Variants in DDX51 observed in about 807,000 individuals in gnomAD.
DDX51 encodes ATP-dependent RNA helicase DDX51.
A neutral mutation model predicts 74.6 loss-of-function variants in DDX51; 67 were observed. The observed-to-expected ratio is 0.90, with a 90% CI of 0.74 to 1.10. DDX51 has a LOEUF of 1.10. DDX51 is among the 50% of genes least tolerant of loss of function. DDX51 has a pLI of 0.00. For synonymous variants in DDX51, 545 were observed against 402.9 expected (o/e 1.35, Z -4.22); for missense variants, 1,056 against 905.2 (o/e 1.17, Z -2.14).
Position 132,140,884 on chromosome 12 carries a change from C to G in DDX51, c.1387G>C (p.Asp463His), listed in dbSNP as rs772880022. The change falls in exon 9 of 15, where the codon GAT becomes CAT. Residue 463 changes from aspartate (D) to histidine (H), a missense_variant. Asp to His is a moderately conservative substitution (Grantham distance 81, BLOSUM62 -1). Transcript: ENST00000397333. ...CCCGAATCCCCGTCCCCATCTGTAT[C>G]TTCCAGGCCCCTGTGTGCTAGCCCT... ...STGLAHRGLE[D>H]TDGDGDSGKY... 5 of 1,613,564 alleles carry G rather than the reference C, an allele frequency of 3.1e-6. No individual in the cohort carries two copies. Among genetic ancestry groups the G allele is most frequent in the Non-Finnish European group, 4.2e-6 (5 of 1,179,974 alleles).
At chr12:132,139,976 TGAC>T in intron 12 of DDX51, 52 bp from the exon 13 acceptor site, 1 of 1,611,678 alleles carries the variant, frequency 6.2e-7, no homozygotes, top group South Asian at 1.1e-5. Flanking sequence ...TTCAAGAGTC[TGAC>T]GGAACGACAG....
rs79241591 is a variant in DDX51 at position 132,143,296 on chromosome 12, A to G, written c.519+399T>C. 1,256 of 406,768 alleles carry G rather than the reference A, an allele frequency of 3.1e-3. 13 individuals are homozygous for G. The highest frequency in any genetic ancestry group is 0.022 in the African/African-American group (1,049 of 47,932). 25.2% of individuals were successfully genotyped at this position (406,768 alleles called of 1,614,324 possible). A position where few individuals can be genotyped will look rare whatever the true frequency, so the allele number is the denominator to read the frequency against. ...ACCTAAGGTGCCCGAGCACTCTGTC[A>G]AACTTCTCGCTTTCTTCACCTGTCT... On this transcript the variant is annotated intron_variant, in intron 2 of 14. Transcript: ENST00000397333.
At position 132,144,085 on chromosome 12, in the gene DDX51, C is replaced by T. The variant is rs1897601472; in HGVS notation, c.212G>A (p.Arg71Gln). 3.2e-6 allele frequency: 4 copies of T among 1,232,760 alleles called. No homozygotes were observed. Among genetic ancestry groups the T allele is most frequent in the Non-Finnish European group, 3.0e-6 (3 of 989,438 alleles). The allele number at this position is 1,232,760 out of a possible 1,614,324, so 76.4% of individuals were successfully genotyped here. A position where few individuals can be genotyped will look rare whatever the true frequency, so the allele number is the denominator to read the frequency against. ...CGCGTCGTTCACCCGCCGCCGCCGC[C>T]GGGGCCGCCGTCGCCTCCTGGTCGC... ...EPATRRRRRP[R>Q]RRRRVNDAEP... is the part of the protein sequence containing the mutation. The change falls in exon 1 of 15, where the codon CGG (arginine) becomes CAG (glutamine). Residue 71 changes from arginine to glutamine, a missense_variant. Physicochemically the swap from Arg to Gln is conservative, Grantham distance 43. Coordinates refer to ENST00000397333, the MANE Select transcript of DDX51 (RefSeq NM_175066.4).
In DDX51 at chr12:132,138,191, G is replaced by C. The variant is rs73164946; in HGVS notation, c.*1081C>G. Reference sequence around the variant, plus strand: ...GTGTACAAGGTGCATAGGAGAGGAAGTGCTGGGTCATGAGTGACTCTGTGT... The same window carrying C: ...GTGTACAAGGTGCATAGGAGAGGAACTGCTGGGTCATGAGTGACTCTGTGT... On this transcript the variant is annotated 3_prime_UTR_variant, in exon 15 of 15. Coordinates refer to ENST00000397333, the MANE Select transcript of DDX51 (RefSeq NM_175066.4). 4 of 152,510 alleles carry C rather than the reference G, an allele frequency of 2.6e-5. No individual in the cohort carries two copies. In the South Asian group the frequency reaches 8.3e-4, roughly 32 times the overall value. 9.4% of individuals were successfully genotyped at this position (152,510 alleles called of 1,614,324 possible).
Position 132,141,536 on chromosome 12 carries a change from G to C in DDX51, c.1066C>G (p.Gln356Glu), listed in dbSNP as rs768309286. The change falls in exon 7 of 15, where the codon CAG becomes GAG. Residue 356 changes from glutamine to glutamate, a missense_variant. By Grantham distance (29) the Gln-to-Glu change is conservative. Transcript: ENST00000397333. ...TPGRLVDHID[Q>E]TPGFSLQQLR... ...TGCTGGAGGCTGAATCCTGGGGTCT[G>C]GTCGATGTGGTCCACCAGGCGGCCG... The C allele has an allele frequency of 1.9e-6, 3 of 1,603,712 alleles. No individual in the cohort carries two copies. The highest frequency in any genetic ancestry group is 2.5e-6 in the Non-Finnish European group (3 of 1,177,804).
Position 132,139,888 on chromosome 12 carries a change from C to T in DDX51, c.1812G>A (p.Gln604=). Residue 604 remains glutamine, a synonymous_variant, in exon 13 of 15, where the codon CAG becomes CAA. Transcript: ENST00000397333. ...GCACTTTCAGGAGCAGTGTGAAGGC[C>T]TGTCCAGTTTTCCCAGCGCGAGCTG... is the stretch of plus-strand genomic sequence containing the variant. The part of the protein sequence containing the change: ...GRTARAGKTG[Q]AFTLLLKVQE... 1.2e-6 allele frequency: 2 copies of T among 1,613,190 alleles called. No homozygotes were observed. The highest frequency in any genetic ancestry group is 8.5e-7 in the Non-Finnish European group (1 of 1,180,000).
rs146276742 is a variant in DDX51, at chr12:132,140,555, G to C, written c.1557-16C>G. 5.0e-6 allele frequency: 8 copies of C among 1,612,898 alleles called. No individual in the cohort carries two copies. The highest frequency in any genetic ancestry group is 3.3e-5 in the Admixed American group (2 of 60,024). Reference sequence around the variant, plus strand: ...CAGGAAGAGCCTAGGCAGAGAGAAGGCTGCGGCCAAGTGATGCTGGGACCA... The same window carrying C: ...CAGGAAGAGCCTAGGCAGAGAGAAGCCTGCGGCCAAGTGATGCTGGGACCA... On this transcript the variant is annotated splice_polypyrimidine_tract_variant and intron_variant, in intron 10 of 14. Transcript: ENST00000397333.
At position 132,136,813 on chromosome 12, in the gene DDX51, GC is replaced by G. The variant is rs1897268793; in HGVS notation, c.*2458del. The G allele has an allele frequency of 6.6e-6, 1 of 152,184 alleles. No homozygotes were observed. Among genetic ancestry groups the G allele is most frequent in the Non-Finnish European group, 1.5e-5 (1 of 68,078 alleles). 9.4% of individuals were successfully genotyped at this position (152,184 alleles called of 1,614,324 possible). A position where few individuals can be genotyped will look rare whatever the true frequency, so the allele number is the denominator to read the frequency against. On this transcript the variant is annotated 3_prime_UTR_variant, in exon 15 of 15. Transcript: ENST00000397333. ...TGAGTAGTTGGGACTCCAGGCACAC[GC>G]CACCACGCTCAGCTAAGTTTTGTAT... is the stretch of plus-strand genomic sequence containing the variant.
chr12:132,142,663 T>C lies in DDX51; in HGVS notation c.670+65A>G. On this transcript the variant is annotated intron_variant, in intron 3 of 14. Coordinates refer to ENST00000397333, the MANE Select transcript of DDX51 (RefSeq NM_175066.4). ...GCAGGGACGCCTGACCCACGGCCACTCACAGCCTTGTGTGTGGGTGCCCAG... is the reference window on the plus strand; with the variant it reads ...GCAGGGACGCCTGACCCACGGCCACCCACAGCCTTGTGTGTGGGTGCCCAG... The C allele has an allele frequency of 2.5e-6, 4 of 1,589,888 alleles. No individual in the cohort carries two copies. The South Asian group carries it at 4.5e-5, about 18-fold the overall frequency.
At position 132,140,234 on chromosome 12, in the gene DDX51, C is replaced by T. The variant is rs770316481; in HGVS notation, c.1674-35G>A. On this transcript the variant is annotated intron_variant, in intron 11 of 14. Coordinates refer to ENST00000397333, the MANE Select transcript of DDX51 (RefSeq NM_175066.4). The stretch of plus-strand genomic sequence containing the variant: ...CACGCAGCATTGTGGGCCCGACGTG[C>T]CAGGAGCAGGGGCCGTGGCAGCACC... 112 of 1,600,220 alleles carry T rather than the reference C, an allele frequency of 7.0e-5. No homozygotes were observed. The Middle Eastern group carries it at 8.4e-4, about 12-fold the overall frequency.
In DDX51 at chr12:132,141,402, G is replaced by C. The variant is rs770622017; in HGVS notation, c.1123C>G (p.Arg375Gly). The C allele has an allele frequency of 1.3e-6, 2 of 1,595,890 alleles. No homozygotes were observed. Among genetic ancestry groups the C allele is most frequent in the Non-Finnish European group, 1.7e-6 (2 of 1,178,246 alleles). ...LRFLIIDEAD[R>G]MIDSMHQSWL... The stretch of plus-strand genomic sequence containing the variant: ...GACTGATGCATGCTGTCAATCATCC[G>C]GTCAGCCTCGTCGATAATCTGCAGG... Residue 375 changes from arginine to glycine, a missense_variant, in exon 8 of 15, where the codon CGG becomes GGG. By Grantham distance (125) the Arg-to-Gly change is moderately radical. Transcript: ENST00000397333.
At position 132,141,383 on chromosome 12, in the gene DDX51, T is replaced by C. The variant is rs753474286; in HGVS notation, c.1142A>G (p.His381Arg). 1 of 1,597,654 alleles carries C rather than the reference T, an allele frequency of 6.3e-7. No individual in the cohort carries two copies. The highest frequency in any genetic ancestry group is 1.3e-5 in the African/African-American group (1 of 74,864). The stretch of plus-strand genomic sequence containing the variant: ...CACCACCCGCGGCAGCCAGGACTGA[T>C]GCATGCTGTCAATCATCCGGTCAGC... ...DEADRMIDSMHQSWLPRVVAA... is the reference protein window; with the variant it reads ...DEADRMIDSMRQSWLPRVVAA... Residue 381 changes from histidine (H) to arginine (R), a missense_variant, in exon 8 of 15, where the codon CAT (histidine) becomes CGT (arginine). Physicochemically the swap from His to Arg is conservative, Grantham distance 29. Coordinates refer to ENST00000397333, the MANE Select transcript of DDX51 (RefSeq NM_175066.4).
At position 132,137,526 on chromosome 12, in the gene DDX51, CAGT is replaced by C. The variant is rs1332768254; in HGVS notation, c.*1743_*1745del. On this transcript the variant is annotated 3_prime_UTR_variant, in exon 15 of 15. Coordinates refer to ENST00000397333, the MANE Select transcript of DDX51 (RefSeq NM_175066.4). ...TGTTCTGCTGGCATTTGTTTGAACA[CAGT>C]CCACAGGTTCAGTGGTTGCATCTCT... The C allele has an allele frequency of 1.3e-5, 2 of 152,248 alleles. No individual in the cohort carries two copies. The highest frequency in any genetic ancestry group is 2.9e-5 in the Non-Finnish European group (2 of 68,056). The allele number at this position is 152,248 out of a possible 1,614,324, so 9.4% of individuals were successfully genotyped here.
Position 132,139,158 on chromosome 12 carries a change from C to T in DDX51, c.*114G>A. ...GAGACCACGTGCTTGGGGAGGAAGG[C>T]TGTGTCCACTGGGGGATTCCTTTCC... On this transcript the variant is annotated 3_prime_UTR_variant, in exon 15 of 15. Transcript: ENST00000397333. 3.4e-6 allele frequency: 5 copies of T among 1,458,062 alleles called. No homozygotes were observed. In the South Asian group the frequency reaches 4.9e-5, roughly 14 times the overall value. 90.3% of individuals were successfully genotyped at this position (1,458,062 alleles called of 1,614,324 possible). A position where few individuals can be genotyped will look rare whatever the true frequency, so the allele number is the denominator to read the frequency against.
chr12:132,139,491 GC>G, intron 14 of DDX51, 143 bp downstream of exon 14: 1 of 1,567,022 alleles, frequency 6.4e-7, no homozygotes, highest in Non-Finnish European at 8.8e-7. Flanking sequence ...CCGCCCTTGG[GC>G]CAGAAGCTCG....
chr12:132,140,063 C>G, intron 12 of DDX51, 35 bp downstream of exon 12: 1 of 1,608,536 alleles, frequency 6.2e-7, no homozygotes, highest in Non-Finnish European at 8.5e-7. Context: ...TCACAAAGCC[C>G]CAGACCCCCC....
chr12:132,141,149 G>T, intron 8 of DDX51, 126 bp downstream of exon 8: 1 of 1,494,084 alleles, frequency 6.7e-7, no homozygotes, highest in South Asian at 1.3e-5. Flanking sequence ...CAGCTCACGT[G>T]ACAGTACGAT....
At position 132,140,545 on chromosome 12, in the gene DDX51, CAG is replaced by C. The variant is rs1296199209; in HGVS notation, c.1557-8_1557-7del. On this transcript the variant is annotated splice_region_variant and splice_polypyrimidine_tract_variant and intron_variant, in intron 10 of 14. Transcript: ENST00000397333. ...CTTGCACCAGCAGGAAGAGCCTAGG[CAG>C]AGAGAAGGCTGCGGCCAAGTGATGC... is the stretch of plus-strand genomic sequence containing the variant. The C allele has an allele frequency of 1.2e-6, 2 of 1,612,980 alleles. No individual in the cohort carries two copies. The highest frequency in any genetic ancestry group is 2.2e-5 in the South Asian group (2 of 91,080).
intron 2 of DDX51, 141 bp downstream of exon 2, chr12:132,143,554 G>GA: frequency 8.7e-7 from 1 of 1,150,472 alleles, no homozygotes. Context: ...CCTAGGCGAT[G>GA]AAACTGCAGA....
Sources: gnomAD v4.1 joint callset for allele counts on GRCh38, gnomAD v4.1.1 for gene constraint, MANE v1.5 for transcripts, NCBI Gene and HGNC (gene_info 2026-07-23, HGNC 2026-07-21) for gene names.